The following GRM7 variants were observed in gnomAD, a reference collection of about 807,000 sequenced individuals.
GRM7 encodes the protein metabotropic glutamate receptor 7.
A neutral mutation model predicts 84.5 loss-of-function variants in GRM7; 35 were observed. The ratio of observed to expected loss-of-function variants is 0.41; its 90% CI spans 0.32 to 0.55. The LOEUF (loss-of-function observed/expected upper bound fraction) is 0.55. Among genes scored for constraint, GRM7 ranks in the 20% least tolerant of loss-of-function variants. The pLI, the probability that GRM7 is intolerant of heterozygous loss-of-function variation, is 0.19. For synonymous variants in GRM7, 487 were observed against 455.1 expected (o/e 1.07, Z -0.89); for missense variants, 1,003 against 1,194.6 (o/e 0.84, Z 2.36).
chr3:7,676,654 G>A (rs952843850), intron 8 of GRM7, among the ~76,000 whole-genome samples: 1 of 152,040 alleles, frequency 6.6e-6, no homozygotes, highest in Non-Finnish European at 1.5e-5. Flanking sequence ...GGCTGGTCTT[G>A]AATGCCTGAC....
At chr3:7,386,296 G>A (rs1404562198) in intron 4 of GRM7, among the ~76,000 whole-genome samples, 1 of 151,694 alleles carries the variant, frequency 6.6e-6, no homozygotes, top group Non-Finnish European at 1.5e-5. Context: ...TTTTAGATTC[G>A]GGAGTTCCTT....
chr3:7,305,333 TTTTTTTTTTC>T (rs1424864784), intron 3 of GRM7, among the ~76,000 whole-genome samples: 5 of 90,928 alleles, frequency 5.5e-5, no homozygotes, highest in Admixed American at 1.8e-4. Flanking sequence ...GCTGCTGCTT[TTTTTTTTTTC>T]TTTTTTTTTT....
At chr3:6,972,639 G>A (rs747501004) in intron 1 of GRM7, among the ~76,000 whole-genome samples, 20 of 152,208 alleles carry the variant, frequency 1.3e-4, no homozygotes, top group Non-Finnish European at 2.4e-4. Flanking sequence ...GGATTGCGGT[G>A]AATGGGGCAT....
chr3:7,691,385 T>A, intron 9 of GRM7: 1 of 568,824 alleles, frequency 1.8e-6, no homozygotes, highest in Non-Finnish European at 2.6e-6. Context: ...TTTTCTCTGG[T>A]CAAGAAAAAG....
At chr3:7,674,253 G>A (rs528265749) in intron 8 of GRM7, among the ~76,000 whole-genome samples, 1 of 151,512 alleles carries the variant, frequency 6.6e-6, no homozygotes, top group African/African-American at 2.4e-5. Flanking sequence ...ATACAGTGAC[G>A]CGATCTTGGC....
At chr3:7,029,488 C>A (rs559437431) in intron 1 of GRM7, among the ~76,000 whole-genome samples, 2 of 152,106 alleles carry the variant, frequency 1.3e-5, no homozygotes, top group African/African-American at 4.8e-5. Flanking sequence ...GATGGATAGA[C>A]AAAATGTGGT....
chr3:7,374,033 G>C (rs963530951), intron 4 of GRM7, among the ~76,000 whole-genome samples: 1 of 152,098 alleles, frequency 6.6e-6, no homozygotes, highest in East Asian at 1.9e-4. Context: ...GCATAGTGTC[G>C]TGGAAATCCA....
rs577473616 is a variant in GRM7, at chr3:7,406,338, A to C, written c.1034-8685A>C. Among the ~76,000 whole-genome samples the C allele has an allele frequency of 6.6e-5, 10 of 152,142 alleles. No homozygotes were observed. The East Asian group carries it at 1.9e-3, about 30-fold the overall frequency. On this transcript the variant is annotated intron_variant, in intron 4 of 9. Transcript: ENST00000357716. ...ACAAGGTGCAACCCCGTCTCTACTA[A>C]AAATACAAAAAATTAGCCAGGCATA...
intron 7 of GRM7, among the ~76,000 whole-genome samples, chr3:7,556,930 T>C (rs1693792894): frequency 6.6e-6 from 1 of 152,154 alleles, no homozygotes; most frequent in Non-Finnish European, 1.5e-5. Flanking sequence ...TGGAGAATGC[T>C]CATAGGATTG....
At chr3:7,214,189 G>A (rs377308721) in intron 2 of GRM7, among the ~76,000 whole-genome samples, 9 of 151,524 alleles carry the variant, frequency 5.9e-5, no homozygotes, top group African/African-American at 2.2e-4. Context: ...TTATATTGCC[G>A]TTTTGGAAGG....
chr3:7,552,365 G>T (rs1219238767), intron 7 of GRM7, among the ~76,000 whole-genome samples: 1 of 152,164 alleles, frequency 6.6e-6, no homozygotes, highest in Non-Finnish European at 1.5e-5. Flanking sequence ...CAAACTGTTG[G>T]TTGATCTACC....
intron 2 of GRM7, among the ~76,000 whole-genome samples, chr3:7,186,192 G>A (rs1429641502): frequency 1.3e-5 from 2 of 152,194 alleles, no homozygotes; most frequent in African/African-American, 4.8e-5. Flanking sequence ...TTAAAGAGAA[G>A]CAGTGCAATG....
chr3:7,316,577 GA>G (rs1700589583), intron 4 of GRM7, among the ~76,000 whole-genome samples: 1 of 152,124 alleles, frequency 6.6e-6, no homozygotes, highest in South Asian at 2.1e-4. Flanking sequence ...AAATATATAA[GA>G]ATGACTGCAA....
intron 2 of GRM7, among the ~76,000 whole-genome samples, chr3:7,220,623 C>T (rs903245956): frequency 6.6e-6 from 1 of 151,960 alleles, no homozygotes; most frequent in African/African-American, 2.4e-5. Context: ...AAAGAAATAC[C>T]AATAAAGTAT....
chr3:7,215,525 C>T (rs1315118564), intron 2 of GRM7, among the ~76,000 whole-genome samples: 2 of 151,872 alleles, frequency 1.3e-5, no homozygotes, highest in South Asian at 2.1e-4. Flanking sequence ...ATTAGCCAGG[C>T]GTGGTGGTGG....
At chr3:7,235,688 C>T (rs760819115) in intron 2 of GRM7, among the ~76,000 whole-genome samples, 11 of 152,148 alleles carry the variant, frequency 7.2e-5, no homozygotes, top group South Asian at 2.1e-4. Context: ...CAACTCACAA[C>T]GGAAATACAT....
At chr3:7,245,237 T>C (rs1216374607) in intron 2 of GRM7, among the ~76,000 whole-genome samples, 1 of 151,924 alleles carries the variant, frequency 6.6e-6, no homozygotes, top group Non-Finnish European at 1.5e-5. Context: ...ACAGAAAATA[T>C]ATTAAAATAA....
intron 8 of GRM7, among the ~76,000 whole-genome samples, chr3:7,582,240 C>A (rs1431772544): frequency 1.3e-5 from 2 of 152,158 alleles, no homozygotes; most frequent in Non-Finnish European, 2.9e-5. Flanking sequence ...GAGAGTTGCA[C>A]ATCTAGGAAA....
At chr3:7,064,769 C>T (rs951489918) in intron 1 of GRM7, among the ~76,000 whole-genome samples, 1 of 151,602 alleles carries the variant, frequency 6.6e-6, no homozygotes, top group Non-Finnish European at 1.5e-5. Context: ...AAGGAATCTC[C>T]ACACTGTTTT....
Sources: gnomAD v4.1 joint callset for allele counts (sites outside exome capture counted in the v4.1 genomes callset) on GRCh38, gnomAD v4.1.1 for gene constraint, MANE v1.5 for transcripts, NCBI Gene and HGNC (gene_info 2026-07-23, HGNC 2026-07-21) for gene names.